The following KIRREL3 variants were observed in gnomAD, a reference collection of about 807,000 sequenced individuals.
The protein encoded by KIRREL3 is kirre like nephrin family adhesion molecule 3, also known as kin of IRRE-like protein 3.
A neutral mutation model predicts 89.7 loss-of-function variants in KIRREL3; 36 were observed. That is an observed-to-expected ratio of 0.40 (90% CI 0.31 to 0.53). The LOEUF is 0.53. KIRREL3 is among the 20% of genes least tolerant of loss of function. The pLI, the probability that KIRREL3 is intolerant of heterozygous loss-of-function variation, is 0.49. For missense variants in KIRREL3, 864 were observed against 1,056.6 expected, an observed-to-expected ratio of 0.82 and a Z score of 2.53; for synonymous variants, 445 against 441.4, an observed-to-expected ratio of 1.01 and a Z score of -0.10.
rs139487382 is a variant in KIRREL3 at position 126,618,380 on chromosome 11, G to A, written c.56-55468C>T. Reference sequence around the variant, plus strand: ...TTTCTTGTACGGCCTATGGAACCAGGAGCCAATTAAACTTCTTTTCTTTAT... The same window carrying A: ...TTTCTTGTACGGCCTATGGAACCAGAAGCCAATTAAACTTCTTTTCTTTAT... On this transcript the variant is annotated intron_variant, in intron 1 of 16. Transcript: ENST00000525144. Among the ~76,000 whole-genome samples the A allele has an allele frequency of 7.9e-5, 12 of 152,264 alleles. No individual in the cohort carries two copies. The East Asian group carries it at 1.9e-3, about 25-fold the overall frequency.
chr11:126,514,480 C>T (rs1337312132), intron 4 of KIRREL3, among the ~76,000 whole-genome samples: 1 of 152,136 alleles, frequency 6.6e-6, no homozygotes, highest in African/African-American at 2.4e-5. Context: ...GTCTGATCCC[C>T]CGGGATGCAG....
intron 4 of KIRREL3, among the ~76,000 whole-genome samples, chr11:126,512,944 A>G (rs939620794): frequency 6.6e-6 from 1 of 152,148 alleles, no homozygotes; most frequent in Non-Finnish European, 1.5e-5. Flanking sequence ...GAGATTAAGC[A>G]TCATCAGCCC....
intron 11 of KIRREL3, among the ~76,000 whole-genome samples, chr11:126,438,036 G>A (rs1191543902): frequency 1.3e-5 from 2 of 152,212 alleles, no homozygotes; most frequent in Non-Finnish European, 2.9e-5. Flanking sequence ...ATACTCTGGG[G>A]CATCCTCAGA....
At chr11:126,839,535 G>A (rs1457628541) in intron 1 of KIRREL3, among the ~76,000 whole-genome samples, 10 of 152,108 alleles carry the variant, frequency 6.6e-5, no homozygotes, top group African/African-American at 2.4e-4. Context: ...AGGAGGAAAT[G>A]CCGCATTGGT....
At position 126,579,031 on chromosome 11, in the gene KIRREL3, C is replaced by G. The variant is rs645220; in HGVS notation, c.56-16119G>C. Reference sequence around the variant, plus strand: ...GCCACACAGCAACAGAACCAGACCTCGATCAAACCCAAAGCCCGTGCTCTG... The same window carrying G: ...GCCACACAGCAACAGAACCAGACCTGGATCAAACCCAAAGCCCGTGCTCTG... On this transcript the variant is annotated intron_variant, in intron 1 of 16. Coordinates refer to ENST00000525144, the MANE Select transcript of KIRREL3 (RefSeq NM_032531.4). The surrounding 1 kb of genome is among the most constrained non-coding windows in gnomAD (Gnocchi z 5.3). Among the ~76,000 whole-genome samples, 75,495 of 151,926 alleles carry G rather than the reference C, an allele frequency of 0.5. 19,205 individuals carry two copies. The highest frequency in any genetic ancestry group is 0.65 in the South Asian group (3,126 of 4,798).
In KIRREL3 at chr11:126,773,082, T is replaced by A. The variant is rs1425609557; in HGVS notation, c.56-210170A>T. ...ACTGTTGTTGACCAAAGCCATTAGC[T>A]CCTAAAATACTGGGAATGAGGGAAT... On this transcript the variant is annotated intron_variant, in intron 1 of 16. Transcript: ENST00000525144. The surrounding 1 kb of genome is among the most constrained non-coding windows in gnomAD (Gnocchi z 4.2). Among the ~76,000 whole-genome samples the A allele has an allele frequency of 6.6e-6, 1 of 152,134 alleles. No individual in the cohort carries two copies. The highest frequency in any genetic ancestry group is 3.2e-3 in the Middle Eastern group (1 of 316).
intron 1 of KIRREL3, among the ~76,000 whole-genome samples, chr11:126,826,060 T>C (rs10750349): frequency 0.86 from 131,029 of 151,816 alleles, 56,893 homozygotes; most frequent in East Asian, 1. Flanking sequence ...TCCTAGTCAC[T>C]CATCAGATGC....
chr11:126,533,619 A>G, intron 2 of KIRREL3, among the ~76,000 whole-genome samples: 1 of 151,680 alleles, frequency 6.6e-6, no homozygotes, highest in Non-Finnish European at 1.5e-5. Flanking sequence ...CAACCACATC[A>G]CTCACTCCAA....
In KIRREL3 at chr11:126,697,583, C is replaced by T. The variant is rs1369677874; in HGVS notation, c.56-134671G>A. ...CATGAATAGTGATTAGAGATGAGGCCCCAGGACCTATAGCTTTAGATCCAA... is the reference window on the plus strand; with the variant it reads ...CATGAATAGTGATTAGAGATGAGGCTCCAGGACCTATAGCTTTAGATCCAA... On this transcript the variant is annotated intron_variant, in intron 1 of 16. Transcript: ENST00000525144. The surrounding 1 kb of genome is among the most constrained non-coding windows in gnomAD (Gnocchi z 4.2). Among the ~76,000 whole-genome samples, 1 of 152,086 alleles carries T rather than the reference C, an allele frequency of 6.6e-6. No individual in the cohort carries two copies. The highest frequency in any genetic ancestry group is 1.5e-5 in the Non-Finnish European group (1 of 68,030).
rs565808462 is a variant in KIRREL3 at position 126,922,881 on chromosome 11, C to T, written c.55+77574G>A. Reference sequence around the variant, plus strand: ...TCCCACAATCCGCAGTGTTCTGGCACCCATGTCTACCCTCTTCCCAGATGG... The same window carrying T: ...TCCCACAATCCGCAGTGTTCTGGCATCCATGTCTACCCTCTTCCCAGATGG... On this transcript the variant is annotated intron_variant, in intron 1 of 16. Transcript: ENST00000525144. Among the ~76,000 whole-genome samples the T allele has an allele frequency of 9.8e-4, 150 of 152,320 alleles. 1 individual carries two copies. Among genetic ancestry groups the T allele is most frequent in the African/African-American group, 3.4e-3 (143 of 41,570 alleles).
chr11:126,873,124 A>G (rs1026392270), intron 1 of KIRREL3, among the ~76,000 whole-genome samples: 4 of 152,232 alleles, frequency 2.6e-5, no homozygotes, highest in African/African-American at 9.6e-5. Flanking sequence ...ATCATGGAAT[A>G]GTGAATACAA....
At chr11:126,899,009 T>TGG (rs111707645) in intron 1 of KIRREL3, among the ~76,000 whole-genome samples, 9,729 of 149,422 alleles carry the variant, frequency 0.065, 1,031 homozygotes, top group African/African-American at 0.22. Context: ...CAGGGGAGTT[T>TGG]GGGGGGGGTC....
intron 1 of KIRREL3, among the ~76,000 whole-genome samples, chr11:126,619,698 A>G (rs1227348749): frequency 2.6e-5 from 4 of 152,266 alleles, no homozygotes; most frequent in Non-Finnish European, 5.9e-5. Context: ...ACTTCCTAGC[A>G]GCTGCTGACT....
rs773610044 is a variant in KIRREL3, at chr11:126,557,727, C to T, written c.133+5108G>A. Among the ~76,000 whole-genome samples the T allele has an allele frequency of 6.6e-6, 1 of 152,328 alleles. No homozygotes were observed. The highest frequency in any genetic ancestry group is 6.5e-5 in the Admixed American group (1 of 15,308). On this transcript the variant is annotated intron_variant, in intron 2 of 16. Transcript: ENST00000525144. This position sits in a 1 kb window ranked among gnomAD's most constrained non-coding sequence, Gnocchi z 5.6. ...AGAGCTGTCGAAGAAATGAGATTCT[C>T]AACCTCCCAGGGCTCTGACTCCCCT...
intron 1 of KIRREL3, among the ~76,000 whole-genome samples, chr11:126,974,902 T>C (rs1330608224): frequency 2.0e-5 from 3 of 152,112 alleles, no homozygotes; most frequent in Non-Finnish European, 4.4e-5. Flanking sequence ...AGGCTTAATG[T>C]GACTTATTTA....
Position 126,643,803 on chromosome 11 carries a change from T to C in KIRREL3, c.56-80891A>G, listed in dbSNP as rs1944560988. Among the ~76,000 whole-genome samples, 1 of 152,130 alleles carries C rather than the reference T, an allele frequency of 6.6e-6. No homozygotes were observed. The highest frequency in any genetic ancestry group is 1.5e-5 in the Non-Finnish European group (1 of 68,020). ...AAATGGAGGAAATAGAAAAGAGTTA[T>C]TATGAACTGGTGACCAAAAAGATGA... On this transcript the variant is annotated intron_variant, in intron 1 of 16. Transcript: ENST00000525144. This position sits in a 1 kb window ranked among gnomAD's most constrained non-coding sequence, Gnocchi z 4.5.
intron 1 of KIRREL3, among the ~76,000 whole-genome samples, chr11:126,583,153 A>G (rs1366465597): frequency 1.3e-5 from 2 of 152,140 alleles, no homozygotes; most frequent in Non-Finnish European, 2.9e-5. Context: ...AGCCTTCTCC[A>G]TCTGACACAC....
chr11:126,632,200 T>TA (rs1294852060), intron 1 of KIRREL3, among the ~76,000 whole-genome samples: 1 of 152,240 alleles, frequency 6.6e-6, no homozygotes, highest in Non-Finnish European at 1.5e-5. Context: ...GGACCACAGA[T>TA]ATAAGGCAAT....
chr11:126,827,840 C>T (rs1200102336), intron 1 of KIRREL3, among the ~76,000 whole-genome samples: 2 of 152,126 alleles, frequency 1.3e-5, no homozygotes, highest in Non-Finnish European at 1.5e-5. Flanking sequence ...TTTATCTGAA[C>T]TACTCTGAAA....
Sources: gnomAD v4.1 joint callset for allele counts (sites outside exome capture counted in the v4.1 genomes callset) on GRCh38, gnomAD v4.1.1 for gene constraint, Gnocchi (gnomAD v3.1) non-coding constraint, MANE v1.5 for transcripts, NCBI Gene and HGNC (gene_info 2026-07-23, HGNC 2026-07-21) for gene names.